TANC2: variants seen among roughly 807,000 people sequenced by gnomAD.
TANC2 encodes tetratricopeptide repeat, ankyrin repeat and coiled-coil containing 2.
Under a neutral mutation model 210.5 loss-of-function variants are expected in TANC2, and 26 were observed. That is an observed-to-expected ratio of 0.12 (90% CI 0.09 to 0.17). The LOEUF is 0.17. Among genes scored for constraint, TANC2 ranks in the 10% least tolerant of loss-of-function variants. The pLI is 1.00. For synonymous variants in TANC2, 931 were observed against 967.1 expected (o/e 0.96, Z 0.69); for missense variants, 2,129 against 2,608.9 (o/e 0.82, Z 4.01).
chr17:63,360,987 AT>A (rs1225094434), intron 14 of TANC2, among the ~76,000 whole-genome samples: 1 of 152,082 alleles, frequency 6.6e-6, no homozygotes, highest in Non-Finnish European at 1.5e-5. Context: ...ATTCTTTTTT[AT>A]GGCTGAATAA....
At chr17:63,295,529 A>G (rs1034380194) in intron 9 of TANC2, among the ~76,000 whole-genome samples, 1 of 152,204 alleles carries the variant, frequency 6.6e-6, no homozygotes, top group East Asian at 1.9e-4. Context: ...TTAGAAAGCA[A>G]CGAAGTCTCT....
chr17:63,053,520 A>G (rs1417917299), intron 2 of TANC2, among the ~76,000 whole-genome samples: 1 of 152,122 alleles, frequency 6.6e-6, no homozygotes, highest in East Asian at 1.9e-4. Context: ...TCGATTCCAC[A>G]CCAAGTCTTA....
chr17:63,184,329 G>A (rs1225490576), intron 5 of TANC2, among the ~76,000 whole-genome samples: 2 of 151,982 alleles, frequency 1.3e-5, no homozygotes, highest in Non-Finnish European at 2.9e-5. Context: ...GTTTCTTAGA[G>A]TAAAAAAGCA....
chr17:63,235,057 AGG>A (rs1157401021), intron 7 of TANC2, among the ~76,000 whole-genome samples: 12 of 151,980 alleles, frequency 7.9e-5, no homozygotes, highest in Admixed American at 4.6e-4. Flanking sequence ...GCTTTTTCTG[AGG>A]TGATTTTTTT....
intron 1 of TANC2, among the ~76,000 whole-genome samples, chr17:62,973,030 A>ATTT (rs113343539): frequency 4.8e-4 from 64 of 132,770 alleles, no homozygotes; most frequent in Admixed American, 4.2e-3. Flanking sequence ...TAGTTGCCGC[A>ATTT]TTTTTTTTTT....
chr17:63,368,090 T>G (rs1052287619), intron 14 of TANC2, among the ~76,000 whole-genome samples: 17 of 152,318 alleles, frequency 1.1e-4, no homozygotes, highest in East Asian at 1.9e-4. Context: ...GTGGGAGAGA[T>G]ATTTTGGTGA....
intron 3 of TANC2, among the ~76,000 whole-genome samples, chr17:63,089,424 T>C (rs1284301373): frequency 6.6e-6 from 1 of 152,140 alleles, no homozygotes; most frequent in Non-Finnish European, 1.5e-5. Context: ...TGATAAGTGC[T>C]GTGTGAATTG....
At chr17:63,328,765 A>G (rs1028825143) in intron 11 of TANC2, among the ~76,000 whole-genome samples, 1 of 152,064 alleles carries the variant, frequency 6.6e-6, no homozygotes, top group African/African-American at 2.4e-5. Flanking sequence ...ACAATAATAT[A>G]TTTCAAAATA....
chr17:63,138,062 G>C lies in TANC2; in HGVS notation c.323-13208G>C, dbSNP rs559000639. Among the ~76,000 whole-genome samples the C allele has an allele frequency of 1.8e-4, 27 of 152,260 alleles. No individual in the cohort carries two copies. In the East Asian group the frequency reaches 4.1e-3, roughly 23 times the overall value. Reference sequence around the variant, plus strand: ...AGTGTGTCACATGACTGAGCTTGAAGGAGGTATGATTGGAAACAATGTGTT... The same window carrying C: ...AGTGTGTCACATGACTGAGCTTGAACGAGGTATGATTGGAAACAATGTGTT... On this transcript the variant is annotated intron_variant, in intron 4 of 27. Transcript: ENST00000689528.
chr17:62,973,750 A>G (rs962904106), intron 1 of TANC2, among the ~76,000 whole-genome samples: 7 of 152,244 alleles, frequency 4.6e-5, no homozygotes, highest in African/African-American at 1.7e-4. Context: ...ACTATAGCCC[A>G]TAGACCAAAT....
intron 12 of TANC2, among the ~76,000 whole-genome samples, chr17:63,344,185 A>G (rs2046327690): frequency 6.6e-6 from 1 of 152,156 alleles, no homozygotes; most frequent in African/African-American, 2.4e-5. Flanking sequence ...CGTGCAAGGG[A>G]TCTAGGTTGC....
intron 1 of TANC2, among the ~76,000 whole-genome samples, chr17:62,967,835 A>AT (rs1396379439): frequency 1.3e-5 from 2 of 151,810 alleles, no homozygotes; most frequent in Non-Finnish European, 2.9e-5. Flanking sequence ...GGTGAAATAA[A>AT]AAAAAAAAAG....
At chr17:63,177,294 A>G (rs1450228304) in intron 5 of TANC2, among the ~76,000 whole-genome samples, 1 of 149,022 alleles carries the variant, frequency 6.7e-6, no homozygotes, top group African/African-American at 2.5e-5. Flanking sequence ...CACAAAATTT[A>G]TTGAATTGTA....
chr17:63,079,635 G>C (rs576129821), intron 3 of TANC2, among the ~76,000 whole-genome samples: 2 of 152,322 alleles, frequency 1.3e-5, no homozygotes, highest in East Asian at 3.9e-4. Flanking sequence ...GTAGACAGCT[G>C]ATCCCCATAT....
chr17:63,273,190 G>T (rs2043767580), intron 9 of TANC2, among the ~76,000 whole-genome samples: 1 of 152,098 alleles, frequency 6.6e-6, no homozygotes, highest in South Asian at 2.1e-4. Context: ...GGAGGCAGAG[G>T]TGGGAGGATC....
chr17:63,237,884 A>G, exon 8 of TANC2: 1 of 1,564,560 alleles, frequency 6.4e-7, no homozygotes, highest in Non-Finnish European at 8.7e-7. Flanking sequence ...AAGAATTAGG[A>G]TCTGGAGGAA....
intron 4 of TANC2, among the ~76,000 whole-genome samples, chr17:63,118,147 T>C (rs564396210): frequency 6.6e-6 from 1 of 152,300 alleles, no homozygotes; most frequent in Non-Finnish European, 1.5e-5. Flanking sequence ...TTTTAAAAAA[T>C]AACAATATGG....
At chr17:63,248,442 C>T (rs2042973642) in intron 8 of TANC2, among the ~76,000 whole-genome samples, 2 of 152,108 alleles carry the variant, frequency 1.3e-5, no homozygotes. Context: ...TTAAACTTCT[C>T]ATCTTTTTTA....
chr17:63,155,501 T>A (rs1490420832), intron 5 of TANC2, among the ~76,000 whole-genome samples: 1 of 152,146 alleles, frequency 6.6e-6, no homozygotes, highest in East Asian at 1.9e-4. Flanking sequence ...AATATAAAAT[T>A]TCAAGTATAG....
Sources: allele counts gnomAD v4.1 joint callset (sites outside exome capture counted in the v4.1 genomes callset), GRCh38; gene constraint gnomAD v4.1.1; transcripts MANE v1.5; gene names NCBI Gene and HGNC (gene_info 2026-07-23, HGNC 2026-07-21).